Variants in PRRC2B observed in about 807,000 individuals in gnomAD.
PRRC2B encodes the protein protein PRRC2B.
PRRC2B carries 68 observed loss-of-function variants against 242.3 expected under a neutral mutation model. The observed-to-expected ratio is 0.28, with a 90% CI of 0.23 to 0.34. The LOEUF (loss-of-function observed/expected upper bound fraction) is 0.34, where lower values mean the gene tolerates loss of function less well. Among genes scored for constraint, PRRC2B ranks in the 10% least tolerant of loss-of-function variants. The probability of loss-of-function intolerance (pLI) is 1.00; values close to 1 mark genes in which losing one functional copy is unlikely to be tolerated. For synonymous variants in PRRC2B, 1,228 were observed against 1,173.6 expected (o/e 1.05, Z -0.95); for missense variants, 2,835 against 2,954.8 (o/e 0.96, Z 0.94).
Position 131,471,357 on chromosome 9 carries a change from C to T in PRRC2B, c.2107+374C>T, listed in dbSNP as rs145127716. On this transcript the variant is annotated intron_variant, in intron 14 of 31. Transcript: ENST00000683519. The stretch of plus-strand genomic sequence containing the variant: ...TCAGTATTTGGGCTTCTTCATTCCT[C>T]TAACTTATTTGGGTTTTATTTTAAT... Among the ~76,000 whole-genome samples the T allele has an allele frequency of 2.5e-3, 382 of 152,298 alleles. 3 individuals are homozygous for T. Among genetic ancestry groups the T allele is most frequent in the African/African-American group, 7.9e-3 (329 of 41,554 alleles).
At chr9:131,466,806 T>C (rs984829086) in intron 12 of PRRC2B, among the ~76,000 whole-genome samples, 10 of 151,200 alleles carry the variant, frequency 6.6e-5, no homozygotes, top group African/African-American at 2.4e-4. Flanking sequence ...TTTCTTTTTT[T>C]CTTTTTTTTT....
intron 5 of PRRC2B, among the ~76,000 whole-genome samples, chr9:131,440,063 AATTG>A (rs1357084476): frequency 2.6e-5 from 4 of 151,842 alleles, no homozygotes; most frequent in Non-Finnish European, 5.9e-5. Flanking sequence ...CTTATTGATT[AATTG>A]ATTGACTGAG....
chr9:131,478,802 T>C (rs992477684), intron 18 of PRRC2B, among the ~76,000 whole-genome samples, 183 bp downstream of exon 18: 1 of 152,070 alleles, frequency 6.6e-6, no homozygotes, highest in African/African-American at 2.4e-5. Flanking sequence ...CTTCTATCAA[T>C]GTAGGAATAG....
chr9:131,447,015 T>G, intron 7 of PRRC2B, 70 bp from the exon 8 acceptor site: 1 of 1,597,732 alleles, frequency 6.3e-7, no homozygotes. Context: ...ATAAAACACA[T>G]TCTGATTTAA....
intron 28 of PRRC2B, among the ~76,000 whole-genome samples, chr9:131,489,184 C>CTTTTT (rs558036228): frequency 2.4e-4 from 32 of 131,646 alleles, no homozygotes; most frequent in African/African-American, 9.3e-4. Context: ...CTCCAAAATT[C>CTTTTT]TTTTTTTTTT....
At chr9:131,460,727 C>T (rs914894094) in intron 11 of PRRC2B, among the ~76,000 whole-genome samples, 8 of 152,176 alleles carry the variant, frequency 5.3e-5, no homozygotes, top group Non-Finnish European at 2.9e-5. Context: ...TCCTTCAGGC[C>T]AGTGCGTGTC....
intron 24 of PRRC2B, 47 bp from the exon 25 acceptor site, chr9:131,484,901 C>A: frequency 6.3e-7 from 1 of 1,584,792 alleles, no homozygotes; most frequent in Non-Finnish European, 8.6e-7. Flanking sequence ...TGTCCACTGC[C>A]AGCGTGATAG....
chr9:131,374,664 T>G (rs995522024), intron 1 of PRRC2B, among the ~76,000 whole-genome samples: 1 of 152,046 alleles, frequency 6.6e-6, no homozygotes, highest in Non-Finnish European at 1.5e-5. Flanking sequence ...TAGTTTGGGA[T>G]TATAGGCATG....
At position 131,487,262 on chromosome 9, in the gene PRRC2B, C is replaced by T. The variant is rs916525496; in HGVS notation, c.5952C>T (p.Ser1984=). The T allele has an allele frequency of 3.1e-6, 5 of 1,612,222 alleles. No homozygotes were observed. The highest frequency in any genetic ancestry group is 1.1e-5 in the South Asian group (1 of 90,716). ...GLRGGLPVSQ[S]QEIFSSLQPF... ...GGGGTGGGCTTCCTGTGTCCCAGTC[C>T]CAGGAGATCTTCAGCTCCTTGCAGC... is the stretch of plus-strand genomic sequence containing the variant. The change falls in exon 27 of 32, where the codon TCC becomes TCT. Residue 1984 remains serine, a synonymous_variant. Coordinates refer to ENST00000683519, the MANE Select transcript of PRRC2B (RefSeq NM_013318.4). The surrounding 1 kb of genome is among the most constrained non-coding windows in gnomAD (Gnocchi z 5.3).
chr9:131,393,375 C>A (rs1240580093), upstream of PRRC2B, among the ~76,000 whole-genome samples: 1 of 152,108 alleles, frequency 6.6e-6, no homozygotes, highest in East Asian at 1.9e-4. Context: ...AAGAACCCTC[C>A]TCCGCTCTCC....
At chr9:131,426,580 G>A (rs1837982890) in intron 1 of PRRC2B, among the ~76,000 whole-genome samples, 1 of 152,018 alleles carries the variant, frequency 6.6e-6, no homozygotes, top group African/African-American at 2.4e-5. Context: ...TGGACCCCAG[G>A]GCAAGGAAGC....
chr9:131,481,013 A>G (rs976551163), intron 19 of PRRC2B, among the ~76,000 whole-genome samples: 21 of 151,992 alleles, frequency 1.4e-4, no homozygotes, highest in Admixed American at 1.2e-3. Flanking sequence ...GTTTAAAAAA[A>G]AAAGAAGGCC....
At chr9:131,480,038 G>A (rs967184365) in intron 19 of PRRC2B, among the ~76,000 whole-genome samples, 2 of 152,110 alleles carry the variant, frequency 1.3e-5, no homozygotes, top group African/African-American at 4.8e-5. Context: ...GCCCTGCGCT[G>A]TTAGCCCAGA....
intron 1 of PRRC2B, among the ~76,000 whole-genome samples, chr9:131,384,010 C>G (rs1401284792): frequency 6.6e-6 from 1 of 151,882 alleles, no homozygotes; most frequent in Non-Finnish European, 1.5e-5. Flanking sequence ...CCTCTGCCTC[C>G]TGGGTTCAGC....
At chr9:131,391,387 C>T (rs1241785491), upstream of PRRC2B, among the ~76,000 whole-genome samples, 1 of 152,056 alleles carries the variant, frequency 6.6e-6, no homozygotes, top group Admixed American at 6.6e-5. Flanking sequence ...TCTCCGACTC[C>T]GACCCTCCTT....
chr9:131,420,505 T>TCTTTCCTTTCTTTCTTTC (rs1472671577), intron 1 of PRRC2B, among the ~76,000 whole-genome samples: 1 of 37,034 alleles, frequency 2.7e-5, no homozygotes, highest in African/African-American at 8.5e-5. Context: ...TTTTTTTTTT[T>TCTTTCCTTTCTTTCTTTC]TTTTTGAGAT....
chr9:131,379,958 G>A lies in PRRC2B; in HGVS notation c.-56+6227G>A, dbSNP rs189556868. On this transcript the variant is annotated intron_variant, in intron 1 of 1. Coordinates refer to the PRRC2B transcript ENST00000682525. Reference sequence around the variant, plus strand: ...TTTTTCAGTGGTTGTTTGCCTTTTTGTTCTTGAGTTGTAAGAGTTATTTAT... The same window carrying A: ...TTTTTCAGTGGTTGTTTGCCTTTTTATTCTTGAGTTGTAAGAGTTATTTAT... Among the ~76,000 whole-genome samples the A allele has an allele frequency of 2.6e-3, 383 of 145,902 alleles. 1 individual carries two copies. Among genetic ancestry groups the A allele is most frequent in the Middle Eastern group, 7.2e-3 (2 of 278 alleles).
chr9:131,478,630 G>A lies in PRRC2B; in HGVS notation c.4758+11G>A. 8.7e-7 allele frequency: 1 copy of A among 1,146,738 alleles called. No individual in the cohort carries two copies. Among genetic ancestry groups the A allele is most frequent in the South Asian group, 1.2e-5 (1 of 80,882 alleles). 71.0% of individuals were successfully genotyped at this position (1,146,738 alleles called of 1,614,324 possible). Reference sequence around the variant, plus strand: ...GAGCAGGCCGTGCAGGTGAGGGGCGGAGGGTGGGGGGGCATGGGGCTGGAG... The same window carrying A: ...GAGCAGGCCGTGCAGGTGAGGGGCGAAGGGTGGGGGGGCATGGGGCTGGAG... On this transcript the variant is annotated intron_variant, in intron 18 of 31. Transcript: ENST00000683519.
chr9:131,432,587 G>T (rs1248874490), intron 2 of PRRC2B, 30 bp from the exon 3 acceptor site: 2 of 1,592,590 alleles, frequency 1.3e-6, no homozygotes, highest in Admixed American at 3.6e-5. Context: ...CTTTTTGCAT[G>T]GTGTCTGTTC....
Sources: allele counts gnomAD v4.1 joint callset (sites outside exome capture counted in the v4.1 genomes callset), GRCh38; gene constraint gnomAD v4.1.1; non-coding constraint Gnocchi (gnomAD v3.1); transcripts MANE v1.5; gene names NCBI Gene and HGNC (gene_info 2026-07-23, HGNC 2026-07-21).